The following GRIN2A variants were observed in gnomAD, a reference collection of about 807,000 sequenced individuals.
The protein encoded by GRIN2A is glutamate receptor ionotropic, NMDA 2A.
Under a neutral mutation model 113.4 loss-of-function variants are expected in GRIN2A, and 22 were observed. That is an observed-to-expected ratio of 0.19 (90% confidence interval 0.14 to 0.28). The LOEUF is 0.28. GRIN2A is among the 10% of genes least tolerant of loss of function. The pLI is 1.00. For missense variants in GRIN2A, 1,502 were observed against 1,887.0 expected, an observed-to-expected ratio of 0.80 and a Z score of 3.78; for synonymous variants, 827 against 738.4, an observed-to-expected ratio of 1.12 and a Z score of -1.94.
At chr16:10,023,635 CCT>C (rs1255756519) in intron 2 of GRIN2A, among the ~76,000 whole-genome samples, 1 of 152,176 alleles carries the variant, frequency 6.6e-6, no homozygotes, top group Non-Finnish European at 1.5e-5. Flanking sequence ...CTTGGTATTT[CCT>C]CTCATCTTGG....
Position 9,879,156 on chromosome 16 carries a change from G to A in GRIN2A, c.1122+11830C>T, listed in dbSNP as rs144454741. On this transcript the variant is annotated intron_variant, in intron 4 of 12. Coordinates refer to ENST00000330684, the MANE Select transcript of GRIN2A (RefSeq NM_001134407.3). ...CCTCTCTATGGCTCACATCATTTGA[G>A]AAACTTAACGATCATTATATAAGGA... Among the ~76,000 whole-genome samples, 860 of 152,102 alleles carry A rather than the reference G, an allele frequency of 5.7e-3. 7 individuals carry two copies. Among genetic ancestry groups the A allele is most frequent in the African/African-American group, 0.017 (696 of 41,466 alleles).
chr16:10,144,743 A>T (rs928206552), intron 2 of GRIN2A, among the ~76,000 whole-genome samples: 1 of 152,116 alleles, frequency 6.6e-6, no homozygotes, highest in Non-Finnish European at 1.5e-5. Flanking sequence ...CAACATGGTG[A>T]AACCTGGTCT....
chr16:10,098,396 G>C (rs770493371), intron 2 of GRIN2A, among the ~76,000 whole-genome samples: 2 of 152,348 alleles, frequency 1.3e-5, no homozygotes, highest in South Asian at 4.1e-4. Context: ...ACAGTGTGGA[G>C]ATAGCTTAAA....
intron 2 of GRIN2A, among the ~76,000 whole-genome samples, chr16:9,960,875 C>T (rs187162265): frequency 2.7e-4 from 41 of 152,318 alleles, no homozygotes; most frequent in Non-Finnish European, 5.4e-4. Context: ...ATCCTCCTGC[C>T]TCAGTCTCCC....
chr16:9,818,838 T>C (rs2042230948), intron 10 of GRIN2A, among the ~76,000 whole-genome samples: 1 of 152,194 alleles, frequency 6.6e-6, no homozygotes, highest in Non-Finnish European at 1.5e-5. Context: ...GATTTGGCAA[T>C]ATCTGTTAAA....
intron 2 of GRIN2A, among the ~76,000 whole-genome samples, chr16:10,126,898 C>A (rs1260120406): frequency 6.6e-6 from 1 of 152,214 alleles, no homozygotes; most frequent in Non-Finnish European, 1.5e-5. Context: ...ACACTTTTTA[C>A]CAGCTCTGAG....
chr16:9,807,058 T>G (rs1186816566), intron 10 of GRIN2A, among the ~76,000 whole-genome samples: 1 of 151,290 alleles, frequency 6.6e-6, no homozygotes, highest in East Asian at 1.9e-4. Context: ...ATGTAAGACA[T>G]GCCTTTCACC....
chr16:9,965,896 T>G (rs934786498), intron 2 of GRIN2A, among the ~76,000 whole-genome samples: 2 of 152,222 alleles, frequency 1.3e-5, no homozygotes, highest in African/African-American at 4.8e-5. Context: ...CCTCTTGGTT[T>G]GCCAAGCCTA....
At chr16:9,913,299 G>T (rs377111775) in intron 3 of GRIN2A, among the ~76,000 whole-genome samples, 5 of 152,172 alleles carry the variant, frequency 3.3e-5, no homozygotes, top group African/African-American at 1.2e-4. Context: ...ACACATAGTA[G>T]ATATGGGTGC....
intron 4 of GRIN2A, among the ~76,000 whole-genome samples, chr16:9,866,807 A>G (rs1294556123): frequency 6.6e-6 from 1 of 152,068 alleles, no homozygotes; most frequent in East Asian, 1.9e-4. Context: ...ACCCATTCCT[A>G]TGGGTGAAAT....
chr16:9,843,827 C>G (rs1488144376), intron 5 of GRIN2A, among the ~76,000 whole-genome samples: 2 of 152,166 alleles, frequency 1.3e-5, no homozygotes, highest in Non-Finnish European at 2.9e-5. Context: ...TGTGCCAGCT[C>G]CATCTCCACC....
At position 10,179,877 on chromosome 16, in the gene GRIN2A, C is replaced by CT. The variant is rs1596586577; in HGVS notation, c.414+120dup. The stretch of plus-strand genomic sequence containing the variant: ...CTCACCAGGGCCAGTGGCCACGACC[C>CT]TCCCACCCCCACCCCCACTTCACAT... On this transcript the variant is annotated intron_variant, in intron 2 of 12. Transcript: ENST00000330684. 35 of 644,102 alleles carry CT rather than the reference C, an allele frequency of 5.4e-5. No homozygotes were observed. The Middle Eastern group carries it at 1.4e-3, about 25-fold the overall frequency. 39.9% of individuals were successfully genotyped at this position (644,102 alleles called of 1,614,324 possible).
At chr16:9,819,268 C>T (rs1167644907) in intron 10 of GRIN2A, among the ~76,000 whole-genome samples, 1 of 151,874 alleles carries the variant, frequency 6.6e-6, no homozygotes, top group African/African-American at 2.4e-5. Context: ...TCCTGTAATC[C>T]CAGCACTTTG....
At chr16:10,025,755 A>G (rs1038024746) in intron 2 of GRIN2A, among the ~76,000 whole-genome samples, 2 of 152,152 alleles carry the variant, frequency 1.3e-5, no homozygotes, top group African/African-American at 4.8e-5. Flanking sequence ...CTGCCTCCCT[A>G]TATCGGCTGG....
chr16:10,034,800 T>C (rs1480445353), intron 2 of GRIN2A, among the ~76,000 whole-genome samples: 4 of 152,190 alleles, frequency 2.6e-5, no homozygotes, highest in Non-Finnish European at 5.9e-5. Flanking sequence ...ACTAGGACTT[T>C]GCATTTTCAG....
chr16:10,074,311 G>A (rs2047825039), intron 2 of GRIN2A, among the ~76,000 whole-genome samples: 1 of 152,208 alleles, frequency 6.6e-6, no homozygotes, highest in South Asian at 2.1e-4. Context: ...ATGGAAAACA[G>A]TACGACAGTT....
intron 11 of GRIN2A, among the ~76,000 whole-genome samples, chr16:9,771,773 CA>C (rs1426496221): frequency 6.6e-6 from 1 of 152,132 alleles, no homozygotes; most frequent in Non-Finnish European, 1.5e-5. Context: ...GCCATGGTTC[CA>C]GGAATTTTCA....
intron 2 of GRIN2A, among the ~76,000 whole-genome samples, chr16:10,115,825 T>A (rs2142162844): frequency 6.6e-6 from 1 of 152,318 alleles, no homozygotes; most frequent in South Asian, 2.1e-4. Context: ...GGACTTTTTT[T>A]TTGTTTTAAG....
At chr16:9,923,988 T>C (rs1179886141) in intron 3 of GRIN2A, among the ~76,000 whole-genome samples, 1 of 151,358 alleles carries the variant, frequency 6.6e-6, no homozygotes, top group Admixed American at 6.6e-5. Context: ...TTAGCCGGGC[T>C]TGGTGGCATG....
Sources: allele counts gnomAD v4.1 joint callset (sites outside exome capture counted in the v4.1 genomes callset), GRCh38; gene constraint gnomAD v4.1.1; transcripts MANE v1.5; gene names NCBI Gene and HGNC (gene_info 2026-07-23, HGNC 2026-07-21).